The following ARHGAP44 variants were observed in gnomAD, a reference collection of about 807,000 sequenced individuals.
The protein encoded by ARHGAP44 is rho GTPase-activating protein 44.
Under a neutral mutation model 106.8 loss-of-function variants are expected in ARHGAP44, and 43 were observed. The observed-to-expected ratio is 0.40, with a 90% CI of 0.32 to 0.52. The LOEUF (loss-of-function observed/expected upper bound fraction) is 0.52. Ranked by LOEUF, ARHGAP44 falls within the 20% of genes least tolerant of loss-of-function variation. ARHGAP44 has a pLI of 0.48. For missense variants in ARHGAP44, 866 were observed against 1,050.5 expected (o/e 0.82, Z 2.43); for synonymous variants, 439 against 410.3 (o/e 1.07, Z -0.85).
intron 1 of ARHGAP44, among the ~76,000 whole-genome samples, chr17:12,791,301 A>G (rs1198103184): frequency 6.6e-6 from 1 of 152,226 alleles, no homozygotes; most frequent in Non-Finnish European, 1.5e-5. Flanking sequence ...TGCCACAGAT[A>G]TAGCCTCACG....
chr17:12,949,356 C>A lies in ARHGAP44; in HGVS notation c.973+105C>A. 1.6e-6 allele frequency: 2 copies of A among 1,236,520 alleles called. No individual in the cohort carries two copies. The highest frequency in any genetic ancestry group is 1.3e-5 in the South Asian group (1 of 74,122). The allele number at this position is 1,236,520 out of a possible 1,614,324, so 76.6% of individuals were successfully genotyped here. ...CAGGACACTCAAGTCAGTGGCTGCC[C>A]AAAGCACTTCAGATGTGTCCACTCA... On this transcript the variant is annotated intron_variant, in intron 11 of 20. Coordinates refer to ENST00000379672, the MANE Select transcript of ARHGAP44 (RefSeq NM_014859.6). The surrounding 1 kb of genome is among the most constrained non-coding windows in gnomAD (Gnocchi z 4.1).
intron 1 of ARHGAP44, among the ~76,000 whole-genome samples, chr17:12,831,526 A>G (rs1489609338): frequency 6.6e-6 from 1 of 152,166 alleles, no homozygotes. Flanking sequence ...CAGGGAAGTG[A>G]AAAAAATTAC....
chr17:12,954,322 A>G (rs1414034572), intron 13 of ARHGAP44, among the ~76,000 whole-genome samples: 1 of 152,212 alleles, frequency 6.6e-6, no homozygotes, highest in African/African-American at 2.4e-5. Context: ...ACGTCTAAAA[A>G]TGGCTAAAGT....
At chr17:12,838,513 G>C (rs1399143100) in intron 1 of ARHGAP44, among the ~76,000 whole-genome samples, 1 of 152,108 alleles carries the variant, frequency 6.6e-6, no homozygotes, top group Non-Finnish European at 1.5e-5. Flanking sequence ...ACTTTAAAAA[G>C]TGCCCTAGTG....
At chr17:12,983,527 G>A (rs560765448) in intron 19 of ARHGAP44, among the ~76,000 whole-genome samples, 3 of 152,290 alleles carry the variant, frequency 2.0e-5, no homozygotes, top group Non-Finnish European at 4.4e-5. Flanking sequence ...TTGATTGGCC[G>A]GGCGTGGTGG....
intron 10 of ARHGAP44, among the ~76,000 whole-genome samples, chr17:12,944,413 T>G (rs1308886187): frequency 6.6e-6 from 1 of 152,128 alleles, no homozygotes; most frequent in Non-Finnish European, 1.5e-5. Context: ...GTGATGGCCA[T>G]GAGGAACGGA....
At chr17:12,948,753 C>CACAT (rs1199329811) in intron 10 of ARHGAP44, among the ~76,000 whole-genome samples, 1 of 150,214 alleles carries the variant, frequency 6.7e-6, no homozygotes, top group East Asian at 2.0e-4. Context: ...CACACACACC[C>CACAT]CCTGTAGACC....
intron 1 of ARHGAP44, among the ~76,000 whole-genome samples, chr17:12,823,586 C>T (rs959175287): frequency 6.6e-6 from 1 of 152,136 alleles, no homozygotes; most frequent in African/African-American, 2.4e-5. Context: ...ATCTGGTTCT[C>T]ATCTTTTCCC....
At chr17:12,969,850 G>C (rs1296985270) in intron 16 of ARHGAP44, among the ~76,000 whole-genome samples, 1 of 152,182 alleles carries the variant, frequency 6.6e-6, no homozygotes, top group Admixed American at 6.5e-5. Flanking sequence ...CCGGAAACAG[G>C]AAGGGAGGTA....
chr17:12,901,532 A>AAAATCGGCG (rs969300724), intron 3 of ARHGAP44, among the ~76,000 whole-genome samples: 1 of 152,132 alleles, frequency 6.6e-6, no homozygotes, highest in Non-Finnish European at 1.5e-5. Context: ...AAGATGGAGA[A>AAAATCGGCG]AAATCGGCGT....
At position 12,860,192 on chromosome 17, in the gene ARHGAP44, T is replaced by C. The variant is rs188444592; in HGVS notation, c.54-34748T>C. Among the ~76,000 whole-genome samples the C allele has an allele frequency of 1.4e-3, 211 of 152,314 alleles. No homozygotes were observed. In the Middle Eastern group the frequency reaches 0.017, roughly 12 times the overall value. ...TCCAAATGCCACAGCATCAAGAATA[T>C]AGAAAGTAGGAAAATATAATTAATA... is the stretch of plus-strand genomic sequence containing the variant. On this transcript the variant is annotated intron_variant, in intron 1 of 20. Coordinates refer to ENST00000379672, the MANE Select transcript of ARHGAP44 (RefSeq NM_014859.6).
chr17:12,968,772 C>T lies in ARHGAP44; in HGVS notation c.1524-4530C>T, dbSNP rs1435250360. ...TTTTTCTTTTTCTTTTATTTCTTTT[C>T]TTTTTTTTTTTTTTTGATACAGAGT... On this transcript the variant is annotated intron_variant, in intron 16 of 20. Coordinates refer to ENST00000379672, the MANE Select transcript of ARHGAP44 (RefSeq NM_014859.6). Among the ~76,000 whole-genome samples the T allele has an allele frequency of 8.6e-4, 100 of 115,610 alleles. 1 individual carries two copies. The highest frequency in any genetic ancestry group is 2.8e-3 in the African/African-American group (95 of 33,548). The allele number at this position is 115,610 out of a possible 152,430, so 75.8% of individuals were successfully genotyped here.
At chr17:12,807,450 C>T (rs908600259) in intron 1 of ARHGAP44, among the ~76,000 whole-genome samples, 2 of 152,176 alleles carry the variant, frequency 1.3e-5, no homozygotes, top group African/African-American at 4.8e-5. Context: ...TTAATTGACT[C>T]ACAGTTCCAC....
At chr17:12,971,762 C>T (rs1225372868) in intron 16 of ARHGAP44, among the ~76,000 whole-genome samples, 1 of 152,086 alleles carries the variant, frequency 6.6e-6, no homozygotes, top group African/African-American at 2.4e-5. Flanking sequence ...ACATCCCTCC[C>T]CTTTCCCTCC....
chr17:12,895,687 C>T (rs2037181840), intron 2 of ARHGAP44, among the ~76,000 whole-genome samples: 2 of 152,190 alleles, frequency 1.3e-5, no homozygotes, highest in African/African-American at 4.8e-5. Flanking sequence ...TTGTGGAAGA[C>T]AGTGTGGTGA....
At chr17:12,936,563 C>T (rs12452699) in intron 7 of ARHGAP44, among the ~76,000 whole-genome samples, 60,919 of 152,048 alleles carry the variant, frequency 0.4, 12,790 homozygotes, top group African/African-American at 0.49. Flanking sequence ...ATTTCATTGT[C>T]TGGATATACC....
intron 1 of ARHGAP44, among the ~76,000 whole-genome samples, chr17:12,793,659 G>A (rs1044413374): frequency 6.6e-6 from 1 of 151,402 alleles, no homozygotes; most frequent in Non-Finnish European, 1.5e-5. Flanking sequence ...AGTGAGCCAA[G>A]CTTGCACCAC....
chr17:12,896,063 T>A (rs963612569), intron 2 of ARHGAP44, among the ~76,000 whole-genome samples: 4 of 130,624 alleles, frequency 3.1e-5, no homozygotes, highest in African/African-American at 8.9e-5. Flanking sequence ...TGAGAACACT[T>A]GGACACAGGC....
At chr17:12,879,260 G>A (rs936761758) in intron 1 of ARHGAP44, among the ~76,000 whole-genome samples, 32 of 152,144 alleles carry the variant, frequency 2.1e-4, no homozygotes, top group African/African-American at 7.5e-4. Flanking sequence ...CACTTAGAAC[G>A]ATGGTCTACA....
Sources: gnomAD v4.1 joint callset for allele counts (sites outside exome capture counted in the v4.1 genomes callset) on GRCh38, gnomAD v4.1.1 for gene constraint, Gnocchi (gnomAD v3.1) non-coding constraint, MANE v1.5 for transcripts, NCBI Gene and HGNC (gene_info 2026-07-23, HGNC 2026-07-21) for gene names.